Variants in VWA3B observed in about 807,000 individuals in gnomAD.
VWA3B encodes von Willebrand factor A domain containing 3B.
A neutral mutation model predicts 158.3 loss-of-function variants in VWA3B; 138 were observed. The observed-to-expected ratio is 0.87, with a 90% CI of 0.76 to 1.00. The LOEUF is 1.00. Among genes scored for constraint, VWA3B ranks in the 50% least tolerant of loss-of-function variants. The pLI is 0.00. For missense variants in VWA3B, 1,555 were observed against 1,565.1 expected, an observed-to-expected ratio of 0.99 and a Z score of 0.11; for synonymous variants, 596 against 587.3, an observed-to-expected ratio of 1.01 and a Z score of -0.21.
At chr2:98,201,001 C>T (rs1465577945) in intron 12 of VWA3B, among the ~76,000 whole-genome samples, 1 of 152,118 alleles carries the variant, frequency 6.6e-6, no homozygotes, top group Non-Finnish European at 1.5e-5. Flanking sequence ...GTTCTTTCAC[C>T]AACATCACAT....
At chr2:98,280,042 C>T (rs1259188714) in intron 22 of VWA3B, among the ~76,000 whole-genome samples, 2 of 152,210 alleles carry the variant, frequency 1.3e-5, no homozygotes, top group Admixed American at 6.5e-5. Flanking sequence ...GGCAGTGCCA[C>T]GAAAGTGGCT....
intron 20 of VWA3B, among the ~76,000 whole-genome samples, chr2:98,254,143 T>C (rs902980669): frequency 1.3e-5 from 2 of 152,174 alleles, no homozygotes; most frequent in Non-Finnish European, 2.9e-5. Flanking sequence ...GAATAAACAT[T>C]GAGCTATTCG....
intron 7 of VWA3B, among the ~76,000 whole-genome samples, chr2:98,158,338 G>C (rs778754215): frequency 6.6e-6 from 1 of 152,144 alleles, no homozygotes; most frequent in Non-Finnish European, 1.5e-5. Flanking sequence ...GCAAGTGCCC[G>C]AGCACTGCAG....
intron 6 of VWA3B, among the ~76,000 whole-genome samples, chr2:98,128,957 C>T (rs896245167): frequency 6.6e-6 from 1 of 152,266 alleles, no homozygotes; most frequent in South Asian, 2.1e-4. Flanking sequence ...CGGTGCTTCC[C>T]TGTGTGGCCT....
Position 98,234,787 on chromosome 2 carries a change from T to A in VWA3B, c.2428+20T>A. On this transcript the variant is annotated intron_variant, in intron 17 of 27. Transcript: ENST00000477737. ...ACAAAGGCAAGCCAGAAAGCATCTC[T>A]GTGGCCAACCAGCCTCCCTTTCCAC... 1 of 1,613,978 alleles carries A rather than the reference T, an allele frequency of 6.2e-7. No homozygotes were observed. The highest frequency in any genetic ancestry group is 8.5e-7 in the Non-Finnish European group (1 of 1,179,894).
chr2:98,204,829 G>A (rs1395497235), intron 12 of VWA3B, among the ~76,000 whole-genome samples: 1 of 152,156 alleles, frequency 6.6e-6, no homozygotes, highest in African/African-American at 2.4e-5. Flanking sequence ...CTCTAGTGCG[G>A]CCAGGCACGG....
At chr2:98,180,915 T>A in intron 8 of VWA3B, 101 bp from the exon 9 acceptor site, 1 of 1,155,592 alleles carries the variant, frequency 8.7e-7, no homozygotes, top group Non-Finnish European at 1.2e-6. Flanking sequence ...ATGGGCTTTG[T>A]GTCTAATAAA....
intron 21 of VWA3B, 87 bp from the exon 22 acceptor site, chr2:98,270,595 A>G: frequency 1.5e-6 from 2 of 1,363,454 alleles, no homozygotes; most frequent in Non-Finnish European, 2.0e-6. Flanking sequence ...TTCTTAGGAA[A>G]CCATCTTACC....
At chr2:98,224,216 T>A (rs1684738002) in intron 14 of VWA3B, among the ~76,000 whole-genome samples, 1 of 151,804 alleles carries the variant, frequency 6.6e-6, no homozygotes, top group African/African-American at 2.4e-5. Flanking sequence ...ATAAAAGAAA[T>A]AATTGGAGCA....
intron 19 of VWA3B, among the ~76,000 whole-genome samples, chr2:98,240,160 A>G (rs928572874): frequency 1.3e-5 from 2 of 152,174 alleles, no homozygotes; most frequent in Non-Finnish European, 2.9e-5. Flanking sequence ...CTTTTTCTAC[A>G]TATGCATATG....
intron 2 of VWA3B, among the ~76,000 whole-genome samples, chr2:98,106,041 A>C (rs1462300863): frequency 6.6e-6 from 1 of 151,808 alleles, no homozygotes; most frequent in East Asian, 1.9e-4. Context: ...TCAGCCTCCC[A>C]AGTAGCTGGG....
At position 98,211,923 on chromosome 2, in the gene VWA3B, T is replaced by C. The variant is rs1025215171; in HGVS notation, c.1738-7T>C. On this transcript the variant is annotated splice_region_variant and splice_polypyrimidine_tract_variant and intron_variant, in intron 12 of 27. Transcript: ENST00000477737. Reference sequence around the variant, plus strand: ...AAGTGTGTCCTTGGTGTCTCTTTTTTCCGTAGATTGGAAGCTCCACAAACA... The same window carrying C: ...AAGTGTGTCCTTGGTGTCTCTTTTTCCCGTAGATTGGAAGCTCCACAAACA... The C allele has an allele frequency of 4.3e-6, 7 of 1,613,656 alleles. No individual in the cohort carries two copies. The East Asian group carries it at 6.7e-5, about 15-fold the overall frequency.
intron 26 of VWA3B, among the ~76,000 whole-genome samples, chr2:98,309,402 A>G (rs1027508080): frequency 2.0e-5 from 3 of 152,244 alleles, no homozygotes; most frequent in East Asian, 1.9e-4. Flanking sequence ...TCCTGGGGAC[A>G]TGGCTATGTA....
chr2:98,133,133 T>A (rs1454123962), intron 6 of VWA3B, among the ~76,000 whole-genome samples: 1 of 152,232 alleles, frequency 6.6e-6, no homozygotes, highest in Non-Finnish European at 1.5e-5. Flanking sequence ...ACTACATCAG[T>A]GCTTTCAAAC....
Position 98,300,061 on chromosome 2 carries a change from C to T in VWA3B, c.3283-18C>T. 6.2e-7 allele frequency: 1 copy of T among 1,614,062 alleles called. No individual in the cohort carries two copies. Among genetic ancestry groups the T allele is most frequent in the Non-Finnish European group, 8.5e-7 (1 of 1,180,024 alleles). ...ACAATCCATAAGCAAAATATTTGCT[C>T]TATGTTCTCCTCTGCAGGTTGGAGA... On this transcript the variant is annotated intron_variant, in intron 24 of 27. Coordinates refer to ENST00000477737, the MANE Select transcript of VWA3B (RefSeq NM_144992.5).
chr2:98,236,547 T>G (rs377737158), intron 18 of VWA3B, 27 bp from the exon 19 acceptor site: 16 of 1,613,784 alleles, frequency 9.9e-6, no homozygotes, highest in Non-Finnish European at 1.2e-5. Context: ...TTGTAAATTT[T>G]AAAACACCAC....
intron 24 of VWA3B, among the ~76,000 whole-genome samples, chr2:98,299,104 G>A (rs918363120): frequency 2.6e-5 from 4 of 152,168 alleles, no homozygotes; most frequent in Non-Finnish European, 5.9e-5. Flanking sequence ...ATTGGCCTTA[G>A]GTTCCCTGCC....
intron 12 of VWA3B, among the ~76,000 whole-genome samples, chr2:98,203,961 A>G (rs758018245): frequency 7.2e-5 from 11 of 152,244 alleles, no homozygotes; most frequent in African/African-American, 1.9e-4. Flanking sequence ...AAAAGATATA[A>G]CAACTACTTA....
intron 8 of VWA3B, among the ~76,000 whole-genome samples, chr2:98,179,780 TCTTTCTTTTC>T (rs1240829642): frequency 1.4e-5 from 1 of 73,324 alleles, no homozygotes; most frequent in Non-Finnish European, 3.1e-5. Context: ...TCTTTCTTTC[TCTTTCTTTTC>T]TTTCTTTCTT....
Sources: gnomAD v4.1 joint callset for allele counts (sites outside exome capture counted in the v4.1 genomes callset) on GRCh38, gnomAD v4.1.1 for gene constraint, MANE v1.5 for transcripts, NCBI Gene and HGNC (gene_info 2026-07-23, HGNC 2026-07-21) for gene names.